Variants in COL4A6 observed in about 807,000 individuals in gnomAD.
The protein encoded by COL4A6 is collagen type IV alpha 6 chain, also known as collagen alpha-6(IV) chain.
A neutral mutation model predicts 126.7 loss-of-function variants in COL4A6; 59 were observed. The ratio of observed to expected loss-of-function variants is 0.47; its 90% CI spans 0.38 to 0.58. The LOEUF is 0.58. Among genes scored for constraint, COL4A6 ranks in the 20% least tolerant of loss-of-function variants. The pLI is 0.00. For missense variants in COL4A6, 1,285 were observed against 1,337.3 expected (o/e 0.96, Z 0.61); for synonymous variants, 547 against 496.6 (o/e 1.10, Z -1.35).
intron 25 of COL4A6, 67 bp from the exon 26 acceptor site, chrX:108,179,505 T>A (rs1332986353): frequency 1.2e-6 from 1 of 847,247 alleles, no homozygotes. Context: ...AGTACAGATC[T>A]CTGAGACAGA....
intron 3 of COL4A6, among the ~76,000 whole-genome samples, chrX:108,281,679 C>T (rs1306068783): frequency 1.8e-5 from 2 of 110,993 alleles, no homozygotes; most frequent in African/African-American, 3.3e-5. Flanking sequence ...AAAGAGCCCA[C>T]ATCGCCAAGT....
chrX:108,401,301 C>T (rs1488300419), intron 2 of COL4A6, among the ~76,000 whole-genome samples: 1 of 110,561 alleles, frequency 9.0e-6, no homozygotes. Context: ...AAGTGTTAAT[C>T]ACAGTATTAT....
chrX:108,396,268 T>G (rs1214669829), intron 2 of COL4A6, among the ~76,000 whole-genome samples: 1 of 111,160 alleles, frequency 9.0e-6, no homozygotes, highest in Non-Finnish European at 1.9e-5. Flanking sequence ...ATTCCTCTGT[T>G]GTGGAATTCA....
At chrX:108,258,440 A>T (rs1016396183) in intron 3 of COL4A6, among the ~76,000 whole-genome samples, 2 of 112,048 alleles carry the variant, frequency 1.8e-5, no homozygotes, top group Admixed American at 1.9e-4. Context: ...GATCAGGCCT[A>T]TCTTACTAAT....
chrX:108,411,220 C>T (rs1228411270), intron 2 of COL4A6, among the ~76,000 whole-genome samples: 1 of 89,983 alleles, frequency 1.1e-5, no homozygotes, highest in Non-Finnish European at 2.4e-5. Flanking sequence ...ATACAGAAAT[C>T]ATGTCTTTTG....
At chrX:108,366,312 G>A (rs929862402) in intron 2 of COL4A6, among the ~76,000 whole-genome samples, 4 of 111,455 alleles carry the variant, frequency 3.6e-5, no homozygotes, top group African/African-American at 1.3e-4. Context: ...GATTAGAGGC[G>A]GTACCAAAAC....
chrX:108,175,181 A>G lies in COL4A6; in HGVS notation c.2865T>C (p.Pro955=). The G allele has an allele frequency of 5.0e-6, 6 of 1,199,669 alleles. No individual in the cohort carries two copies. Among genetic ancestry groups the G allele is most frequent in the Non-Finnish European group, 6.7e-6 (6 of 889,925 alleles). ...GGTTTGACATTGGACGTCTTGGACTAGGTATTCCGACTGGCCCCGGATTGC... is the reference window on the plus strand; with the variant it reads ...GGTTTGACATTGGACGTCTTGGACTGGGTATTCCGACTGGCCCCGGATTGC... The part of the protein sequence containing the change: ...DRGNPGPVGI[P]SPRRPMSNLW... Residue 955 remains proline (P), a synonymous_variant, in exon 30 of 45, where the codon CCT becomes CCC. Transcript: ENST00000334504.
Position 108,175,107 on chromosome X carries a change from C to A in COL4A6, c.2939G>T (p.Gly980Val). Residue 980 changes from glycine to valine, a missense_variant, in exon 30 of 45, where the codon GGA becomes GTA. Physicochemically the swap from Gly to Val is moderately radical, Grantham distance 109. Transcript: ENST00000334504. ...CCCAGCACCTCTTGGCCCAGGAAAT[C>A]CATTGGATCCGGCTGAGCCTTGAGA... The part of the protein sequence containing the change: ...KGSQGSAGSN[G>V]FPGPRGDKGE... The A allele has an allele frequency of 8.4e-7, 1 of 1,197,315 alleles. No individual in the cohort carries two copies. The highest frequency in any genetic ancestry group is 1.1e-6 in the Non-Finnish European group (1 of 889,039).
intron 3 of COL4A6, among the ~76,000 whole-genome samples, chrX:108,246,117 T>C (rs141882008): frequency 1.3e-4 from 15 of 112,110 alleles, no homozygotes; most frequent in East Asian, 5.6e-4. Context: ...TCTTTATCTC[T>C]TTCATGTATG....
chrX:108,248,449 T>C (rs1386948908), intron 3 of COL4A6, among the ~76,000 whole-genome samples: 1 of 110,224 alleles, frequency 9.1e-6, no homozygotes, highest in African/African-American at 3.3e-5. Context: ...TGCTTCTCTT[T>C]GCACAGACTG....
At chrX:108,425,450 C>T (rs935446216) in intron 2 of COL4A6, among the ~76,000 whole-genome samples, 1 of 110,305 alleles carries the variant, frequency 9.1e-6, no homozygotes, top group Non-Finnish European at 1.9e-5. Context: ...CTATAGCTCT[C>T]AGGCCAGGCG....
At chrX:108,327,128 C>T (rs1309939664) in intron 2 of COL4A6, among the ~76,000 whole-genome samples, 1 of 110,808 alleles carries the variant, frequency 9.0e-6, no homozygotes, top group Admixed American at 9.6e-5. Context: ...AGGTGAGCAG[C>T]GGGCATGTGA....
In COL4A6 at chrX:108,180,582, C is replaced by G; in HGVS notation, c.2064G>C (p.Gln688His). 8.3e-7 allele frequency: 1 copy of G among 1,206,408 alleles called. No homozygotes were observed. Among genetic ancestry groups the G allele is most frequent in the South Asian group, 1.8e-5 (1 of 55,474 alleles). Reference sequence around the variant, plus strand: ...CTCCTTTACTTCCACTTGACCCAGGCTGGCCTGGGGTCCCAGGGAGGCCTC... The same window carrying G: ...CTCCTTTACTTCCACTTGACCCAGGGTGGCCTGGGGTCCCAGGGAGGCCTC... ...GSRGLPGTPGQPGSSGSKGEP... is the reference protein window; with the variant it reads ...GSRGLPGTPGHPGSSGSKGEP... The change falls in exon 25 of 45, where the codon CAG becomes CAC. Residue 688 changes from glutamine to histidine, a missense_variant. Coordinates refer to ENST00000334504, the MANE Select transcript of COL4A6 (RefSeq NM_033641.4).
intron 2 of COL4A6, among the ~76,000 whole-genome samples, chrX:108,333,767 C>T: frequency 9.0e-6 from 1 of 111,189 alleles, no homozygotes; most frequent in Non-Finnish European, 1.9e-5. Flanking sequence ...AACAATAAAG[C>T]TGAGAACCAA....
intron 3 of COL4A6, among the ~76,000 whole-genome samples, chrX:108,228,671 A>G (rs757567415): frequency 8.9e-6 from 1 of 112,174 alleles, no homozygotes; most frequent in East Asian, 2.8e-4. Flanking sequence ...TACAGAGTGA[A>G]GGGTGGGGGA....
chrX:108,187,979 C>G lies in COL4A6; in HGVS notation c.1636G>C (p.Glu546Gln), dbSNP rs765808425. The change falls in exon 22 of 45, where the codon GAA (glutamate) becomes CAA (glutamine). Residue 546 changes from glutamate (E) to glutamine (Q), a missense_variant. By Grantham distance (29) the Glu-to-Gln change is conservative (BLOSUM62 2). Coordinates refer to ENST00000334504, the MANE Select transcript of COL4A6 (RefSeq NM_033641.4). The stretch of plus-strand genomic sequence containing the variant: ...CCTTGGATTGTACTGAGAATTGGTT[C>G]CCCCTTCTTTCCTTTGGGTCCTGAA... The part of the protein sequence containing the change: ...GPSGPKGKKG[E>Q]PILSTIQGMP... 1 of 1,201,990 alleles carries G rather than the reference C, an allele frequency of 8.3e-7. No individual in the cohort carries two copies. The highest frequency in any genetic ancestry group is 1.8e-5 in the African/African-American group (1 of 56,868).
chrX:108,343,094 C>A (rs1308301379), intron 2 of COL4A6, among the ~76,000 whole-genome samples: 2 of 87,695 alleles, frequency 2.3e-5, no homozygotes, highest in Non-Finnish European at 4.4e-5. Context: ...ATAAATACTA[C>A]AAAGGAAAGG....
chrX:108,267,975 A>G (rs2037354783), intron 3 of COL4A6: 1 of 112,655 alleles, frequency 8.9e-6, no homozygotes, highest in Non-Finnish European at 1.9e-5. Context: ...CCTACTTGTA[A>G]TAACGAGTAC....
At chrX:108,285,352 T>A (rs1337281618) in intron 3 of COL4A6, among the ~76,000 whole-genome samples, 1 of 112,377 alleles carries the variant, frequency 8.9e-6, no homozygotes, top group East Asian at 2.8e-4. Flanking sequence ...CTGTGAATGT[T>A]ATACTTCACA....
Sources: allele counts gnomAD v4.1 joint callset (sites outside exome capture counted in the v4.1 genomes callset), GRCh38; gene constraint gnomAD v4.1.1; transcripts MANE v1.5; gene names NCBI Gene and HGNC (gene_info 2026-07-23, HGNC 2026-07-21).